Variants in EDIL3 observed in about 807,000 individuals in gnomAD.
The protein encoded by EDIL3 is EGF-like repeat and discoidin I-like domain-containing protein 3.
A neutral mutation model predicts 67.4 loss-of-function variants in EDIL3; 37 were observed. The observed-to-expected ratio is 0.55, with a 90% CI of 0.42 to 0.72. EDIL3 has a LOEUF of 0.72. EDIL3 is among the 30% of genes least tolerant of loss of function. The probability of loss-of-function intolerance (pLI) is 0.00; values close to 1 mark genes in which losing one functional copy is unlikely to be tolerated. For missense variants in EDIL3, 527 were observed against 586.3 expected (o/e 0.90, Z 1.04); for synonymous variants, 195 against 196.3 (o/e 0.99, Z 0.05).
chr5:84,166,452 AT>A (rs1464030194), intron 4 of EDIL3, among the ~76,000 whole-genome samples: 1 of 152,158 alleles, frequency 6.6e-6, no homozygotes, highest in Non-Finnish European at 1.5e-5. Context: ...TAAATGATTC[AT>A]TGGTTAACAC....
At chr5:83,971,525 C>T (rs770479159) in intron 9 of EDIL3, among the ~76,000 whole-genome samples, 1 of 151,872 alleles carries the variant, frequency 6.6e-6, no homozygotes, top group Non-Finnish European at 1.5e-5. Flanking sequence ...CCCTTAGCCT[C>T]CAAAAATATT....
intron 9 of EDIL3, among the ~76,000 whole-genome samples, chr5:83,981,374 T>C (rs976874735): frequency 6.6e-6 from 1 of 152,128 alleles, no homozygotes; most frequent in Admixed American, 6.6e-5. Flanking sequence ...TGGGATAATG[T>C]TAACTTTTGT....
At chr5:84,212,496 AT>A (rs1229842997) in intron 3 of EDIL3, among the ~76,000 whole-genome samples, 14 of 152,200 alleles carry the variant, frequency 9.2e-5, no homozygotes, top group African/African-American at 3.4e-4. Context: ...AGATTCTGGG[AT>A]CTCACAGAGA....
intron 1 of EDIL3, among the ~76,000 whole-genome samples, chr5:84,318,385 C>G (rs1248523449): frequency 6.6e-6 from 1 of 152,160 alleles, no homozygotes; most frequent in Admixed American, 6.5e-5. Flanking sequence ...CTGGAGGCAT[C>G]ATGCTACCTG....
chr5:84,117,029 T>TTA (rs1262982545), intron 5 of EDIL3, among the ~76,000 whole-genome samples: 3 of 123,506 alleles, frequency 2.4e-5, no homozygotes, highest in African/African-American at 1.1e-4. Context: ...TATTTTTTTT[T>TTA]TTTTTTTTTT....
chr5:84,160,345 G>A (rs1166857604), intron 4 of EDIL3, among the ~76,000 whole-genome samples: 1 of 152,090 alleles, frequency 6.6e-6, no homozygotes, highest in Non-Finnish European at 1.5e-5. Context: ...TATAAGTAGT[G>A]TCTAGGAAGA....
intron 4 of EDIL3, among the ~76,000 whole-genome samples, chr5:84,169,065 GACTTCATTC>G (rs1748763651): frequency 6.6e-6 from 1 of 151,856 alleles, no homozygotes. Context: ...TTGACCCCCT[GACTTCATTC>G]ACATCTCTGC....
intron 9 of EDIL3, among the ~76,000 whole-genome samples, chr5:84,013,811 G>C (rs1745555178): frequency 6.6e-6 from 1 of 152,144 alleles, no homozygotes; most frequent in South Asian, 2.1e-4. Flanking sequence ...TCTTCCAGGG[G>C]ATAACCCTTA....
chr5:84,311,572 T>A (rs572347530), intron 1 of EDIL3, among the ~76,000 whole-genome samples: 2 of 152,126 alleles, frequency 1.3e-5, no homozygotes, highest in African/African-American at 4.8e-5. Flanking sequence ...TTTTTTATTT[T>A]TTTTTTATTG....
At chr5:84,156,295 C>T (rs892545321) in intron 4 of EDIL3, among the ~76,000 whole-genome samples, 1 of 152,138 alleles carries the variant, frequency 6.6e-6, no homozygotes, top group Non-Finnish European at 1.5e-5. Flanking sequence ...TGCTGTCTGT[C>T]TACTCTGTTC....
chr5:84,136,937 A>G lies in EDIL3; in HGVS notation c.469+304T>C, dbSNP rs563532815. On this transcript the variant is annotated intron_variant, in intron 5 of 10. Coordinates refer to ENST00000296591, the MANE Select transcript of EDIL3 (RefSeq NM_005711.5). ...ACCAAAATGGGATTCGTGGAACTTG[A>G]GTATCTGAGGAAATGTTATCATTCT... Among the ~76,000 whole-genome samples the G allele has an allele frequency of 1.2e-4, 19 of 152,152 alleles. No individual in the cohort carries two copies. In the South Asian group the frequency reaches 3.5e-3, roughly 28 times the overall value.
In EDIL3 at chr5:84,233,466, C is replaced by T. The variant is rs375833035; in HGVS notation, c.197-3582G>A. Among the ~76,000 whole-genome samples the T allele has an allele frequency of 3.3e-5, 5 of 152,264 alleles. No homozygotes were observed. The East Asian group carries it at 5.8e-4, about 18-fold the overall frequency. ...AGTAAATTAGTAGGCTTACAGAAAACCCTTTGCAATTTATATTCCGGTTGT... is the reference window on the plus strand; with the variant it reads ...AGTAAATTAGTAGGCTTACAGAAAATCCTTTGCAATTTATATTCCGGTTGT... On this transcript the variant is annotated intron_variant, in intron 2 of 10. Coordinates refer to ENST00000296591, the MANE Select transcript of EDIL3 (RefSeq NM_005711.5).
intron 9 of EDIL3, among the ~76,000 whole-genome samples, chr5:84,058,513 T>C (rs572661946): frequency 1.1e-3 from 172 of 152,244 alleles, no homozygotes; most frequent in African/African-American, 3.8e-3. Flanking sequence ...GATGGTAAGA[T>C]GGGAAATGAT....
chr5:84,080,774 G>GA (rs770796749), intron 6 of EDIL3, among the ~76,000 whole-genome samples: 21 of 152,196 alleles, frequency 1.4e-4, no homozygotes, highest in Non-Finnish European at 2.4e-4. Context: ...GAAATAAAAA[G>GA]AAGTATCAAT....
intron 9 of EDIL3, among the ~76,000 whole-genome samples, chr5:84,010,026 A>G (rs1745490415): frequency 6.6e-6 from 1 of 152,236 alleles, no homozygotes; most frequent in African/African-American, 2.4e-5. Flanking sequence ...AAGTGAAGTC[A>G]GGCAACTTAT....
intron 1 of EDIL3, among the ~76,000 whole-genome samples, chr5:84,258,968 G>A (rs1209141451): frequency 7.9e-6 from 1 of 126,838 alleles, no homozygotes; most frequent in East Asian, 2.6e-4. Flanking sequence ...TGTTCGTAGA[G>A]TCTTTTTTTT....
chr5:84,375,798 T>C (rs1747954767), intron 1 of EDIL3, among the ~76,000 whole-genome samples: 1 of 152,206 alleles, frequency 6.6e-6, no homozygotes, highest in African/African-American at 2.4e-5. Context: ...CAGTGATGCA[T>C]TCTAACACAT....
chr5:84,267,077 T>C (rs987096452), intron 1 of EDIL3, among the ~76,000 whole-genome samples: 1 of 152,226 alleles, frequency 6.6e-6, no homozygotes, highest in Non-Finnish European at 1.5e-5. Flanking sequence ...AATGGTAAAG[T>C]AGTATTCACA....
intron 10 of EDIL3, among the ~76,000 whole-genome samples, chr5:83,944,787 TTTTCTTTCTTGTTTGACATCAAA>T (rs1224609928): frequency 1.9e-4 from 29 of 152,134 alleles, no homozygotes; most frequent in Admixed American, 9.8e-4. Flanking sequence ...TAGAAGATAA[TTTTCTTTCTTGTTTGACATCAAA>T]TTTCTTTCTT....
Sources: gnomAD v4.1 joint callset for allele counts (sites outside exome capture counted in the v4.1 genomes callset) on GRCh38, gnomAD v4.1.1 for gene constraint, MANE v1.5 for transcripts, NCBI Gene and HGNC (gene_info 2026-07-23, HGNC 2026-07-21) for gene names.